The following ASF1B variants were observed in gnomAD, a reference collection of about 807,000 sequenced individuals.
ASF1B encodes the protein histone chaperone ASF1B.
In ASF1B, 10 loss-of-function variants were observed where a neutral mutation model predicts 16.6. That is an observed-to-expected ratio of 0.60 (90% CI 0.37 to 1.02). The LOEUF is 1.02. Among genes scored for constraint, ASF1B ranks in the 50% least tolerant of loss-of-function variants. The pLI, the probability that ASF1B is intolerant of heterozygous loss-of-function variation, is 0.01. For synonymous variants in ASF1B, 101 were observed against 106.2 expected, an observed-to-expected ratio of 0.95 and a Z score of 0.30; for missense variants, 240 against 266.0, an observed-to-expected ratio of 0.90 and a Z score of 0.68.
intron 1 of ASF1B, among the ~76,000 whole-genome samples, chr19:14,135,406 G>A (rs916199419): frequency 6.6e-6 from 1 of 152,112 alleles, no homozygotes; most frequent in Non-Finnish European, 1.5e-5. Context: ...GGGAAGGGGA[G>A]CTGGGGAGAC....
chr19:14,121,146 A>C (rs910421898), intron 3 of ASF1B: 1 of 314,012 alleles, frequency 3.2e-6, no homozygotes, highest in African/African-American at 2.2e-5. Flanking sequence ...TTTAAGGGAC[A>C]GTCTCACTCT....
At chr19:14,130,787 G>GTGTGTGTA (rs141600762) in intron 1 of ASF1B, among the ~76,000 whole-genome samples, 1 of 142,440 alleles carries the variant, frequency 7.0e-6, no homozygotes, top group Admixed American at 7.1e-5. Flanking sequence ...GTGTTTGTGT[G>GTGTGTGTA]TATATATATA....
In ASF1B at chr19:14,119,818, A is replaced by G. The variant is rs1329443424; in HGVS notation, c.*641T>C. 1 of 152,584 alleles carries G rather than the reference A, an allele frequency of 6.6e-6. No homozygotes were observed. Among genetic ancestry groups the G allele is most frequent in the Non-Finnish European group, 1.5e-5 (1 of 68,082 alleles). 9.5% of individuals were successfully genotyped at this position (152,584 alleles called of 1,614,324 possible). A position where few individuals can be genotyped will look rare whatever the true frequency, so the allele number is the denominator to read the frequency against. On this transcript the variant is annotated 3_prime_UTR_variant, in exon 4 of 4. Coordinates refer to ENST00000263382, the MANE Select transcript of ASF1B (RefSeq NM_018154.3). ...CTTCCAACCATGGCAGCCTCCAGGA[A>G]AAGCCAGATCCATTTAGGAGATAAC...
chr19:14,126,301 T>A, intron 1 of ASF1B, 64 bp from the exon 2 acceptor site: 1 of 1,173,340 alleles, frequency 8.5e-7, no homozygotes, highest in Non-Finnish European at 1.2e-6. Context: ...AGGGATAGGC[T>A]CTTGTATTTT....
At chr19:14,122,727 G>A (rs1262291562) in intron 2 of ASF1B, among the ~76,000 whole-genome samples, 1 of 152,196 alleles carries the variant, frequency 6.6e-6, no homozygotes, top group Non-Finnish European at 1.5e-5. Flanking sequence ...GACTGTGGCA[G>A]GGAGAGGTGC....
At chr19:14,120,773 C>T in intron 3 of ASF1B, 108 bp from the exon 4 acceptor site, 1 of 880,350 alleles carries the variant, frequency 1.1e-6, no homozygotes, top group Non-Finnish European at 1.8e-6. Context: ...GAGCAACCTA[C>T]ATATGGAACT....
chr19:14,121,425 A>T, intron 3 of ASF1B, 107 bp downstream of exon 3: 1 of 1,251,634 alleles, frequency 8.0e-7, no homozygotes, highest in Non-Finnish European at 1.1e-6. Context: ...ACTGAATATT[A>T]CTTGAAAACC....
At position 14,119,799 on chromosome 19, in the gene ASF1B, A is replaced by G. The variant is rs1023733909; in HGVS notation, c.*660T>C. ...GCAGGCCCTCTGATACCATCTTCCAACCATGGCAGCCTCCAGGAAAAGCCA... is the reference window on the plus strand; with the variant it reads ...GCAGGCCCTCTGATACCATCTTCCAGCCATGGCAGCCTCCAGGAAAAGCCA... On this transcript the variant is annotated 3_prime_UTR_variant, in exon 4 of 4. Coordinates refer to ENST00000263382, the MANE Select transcript of ASF1B (RefSeq NM_018154.3). 6.6e-6 allele frequency: 1 copy of G among 152,542 alleles called. No individual in the cohort carries two copies. Among genetic ancestry groups the G allele is most frequent in the African/African-American group, 2.4e-5 (1 of 41,442 alleles). 9.4% of individuals were successfully genotyped at this position (152,542 alleles called of 1,614,324 possible).
intron 3 of ASF1B, 29 bp downstream of exon 3, chr19:14,121,503 G>A (rs2144508201): frequency 6.2e-7 from 1 of 1,606,210 alleles, no homozygotes; most frequent in Non-Finnish European, 8.5e-7. Flanking sequence ...ACGGCCTTGT[G>A]GGAAGCAGGA....
intron 1 of ASF1B, among the ~76,000 whole-genome samples, chr19:14,127,721 C>T (rs1967340224): frequency 6.6e-6 from 1 of 151,472 alleles, no homozygotes. Flanking sequence ...ACTGCAACCT[C>T]TGCCTCCCGG....
intron 1 of ASF1B, among the ~76,000 whole-genome samples, chr19:14,126,845 G>C (rs34588554): frequency 6.6e-6 from 1 of 152,130 alleles, no homozygotes; most frequent in Non-Finnish European, 1.5e-5. Context: ...GACTTCAAGT[G>C]ATCTGCCCGC....
At chr19:14,136,030 G>A (rs1056835687) in intron 1 of ASF1B, among the ~76,000 whole-genome samples, 2 of 151,674 alleles carry the variant, frequency 1.3e-5, no homozygotes, top group Non-Finnish European at 2.9e-5. Flanking sequence ...GCTTGGAGGG[G>A]GTTAATCTCT....
chr19:14,133,047 G>A (rs942471086), intron 1 of ASF1B, among the ~76,000 whole-genome samples: 14 of 151,812 alleles, frequency 9.2e-5, no homozygotes, highest in African/African-American at 2.7e-4. Flanking sequence ...GTGAACCCGG[G>A]AGGCGGAGCT....
chr19:14,122,150 C>T (rs574123260), intron 2 of ASF1B, among the ~76,000 whole-genome samples: 4 of 151,654 alleles, frequency 2.6e-5, no homozygotes, highest in Non-Finnish European at 4.4e-5. Context: ...AGGCTGGTCT[C>T]GAACTCCTGA....
chr19:14,133,121 A>AAAATAAAT (rs150107917), intron 1 of ASF1B, among the ~76,000 whole-genome samples: 63 of 149,292 alleles, frequency 4.2e-4, no homozygotes, highest in Middle Eastern at 3.4e-3. Context: ...CTCCATCTCA[A>AAAATAAAT]AAATAAATAA....
chr19:14,131,325 T>C (rs1484727795), intron 1 of ASF1B, among the ~76,000 whole-genome samples: 2 of 148,972 alleles, frequency 1.3e-5, no homozygotes, highest in African/African-American at 5.0e-5. Flanking sequence ...GCTGGGATTA[T>C]AGCTGCGTGC....
At chr19:14,126,326 A>C in intron 1 of ASF1B, 89 bp from the exon 2 acceptor site, 1 of 830,338 alleles carries the variant, frequency 1.2e-6, no homozygotes, top group African/African-American at 1.7e-5. Flanking sequence ...TTTTTTTGAG[A>C]TGGAGTCTCG....
At chr19:14,133,037 G>A (rs978085411) in intron 1 of ASF1B, among the ~76,000 whole-genome samples, 35 of 151,092 alleles carry the variant, frequency 2.3e-4, no homozygotes, top group Admixed American at 1.7e-3. Context: ...GGAGAATGGC[G>A]TGAACCCGGG....
intron 1 of ASF1B, among the ~76,000 whole-genome samples, 168 bp from the exon 2 acceptor site, chr19:14,126,405 A>G (rs1341713049): frequency 1.3e-5 from 2 of 151,420 alleles, no homozygotes; most frequent in Non-Finnish European, 2.9e-5. Context: ...CCCAGGTTCC[A>G]GTGATTCTCA....
Sources: allele counts gnomAD v4.1 joint callset (sites outside exome capture counted in the v4.1 genomes callset), GRCh38; gene constraint gnomAD v4.1.1; transcripts MANE v1.5; gene names NCBI Gene and HGNC (gene_info 2026-07-23, HGNC 2026-07-21).